The following MAP6 variants were observed in gnomAD, a reference collection of about 807,000 sequenced individuals.
The protein encoded by MAP6 is microtubule-associated protein 6.
Under a neutral mutation model 42.4 loss-of-function variants are expected in MAP6, and 26 were observed. The ratio of observed to expected loss-of-function variants is 0.61; its 90% CI spans 0.45 to 0.85. The LOEUF is 0.85. Among genes scored for constraint, MAP6 ranks in the 40% least tolerant of loss-of-function variants. The pLI is 0.00. For missense variants in MAP6, 966 were observed against 1,099.0 expected, an observed-to-expected ratio of 0.88 and a Z score of 1.71; for synonymous variants, 418 against 443.8, an observed-to-expected ratio of 0.94 and a Z score of 0.73.
rs1942756228 is a variant in MAP6 at position 75,605,834 on chromosome 11, C to T, written c.1290G>A (p.Met430Ile). Residue 430 changes from methionine (M) to isoleucine (I), a missense_variant, in exon 3 of 4, where the codon ATG becomes ATA. By Grantham distance (10) the Met-to-Ile change is conservative. This residue lies in a region of MAP6 where 943 missense variants were observed against 1,049.9 expected (regional missense o/e 0.90). Coordinates refer to ENST00000304771, the MANE Select transcript of MAP6 (RefSeq NM_033063.2). Reference protein sequence around the residue: ...KPDDKEQSKEMNNKLAEAKES... With the variant: ...KPDDKEQSKEINNKLAEAKES... ...CTTTCGCCTCAGCCAGTTTATTGTT[C>T]ATCTCTTTGCTTTGCTCCTTGTCGT... 1.2e-6 allele frequency: 2 copies of T among 1,613,956 alleles called. No homozygotes were observed. The highest frequency in any genetic ancestry group is 1.7e-6 in the Non-Finnish European group (2 of 1,180,006).
At chr11:75,645,233 A>G (rs1237973810) in intron 1 of MAP6, among the ~76,000 whole-genome samples, 1 of 150,580 alleles carries the variant, frequency 6.6e-6, no homozygotes, top group African/African-American at 2.4e-5. Context: ...TAGAATGGGG[A>G]GTGGGAACTG....
chr11:75,604,700 C>T (rs529815805), intron 3 of MAP6: 6 of 985,312 alleles, frequency 6.1e-6, no homozygotes, highest in South Asian at 4.7e-5. Flanking sequence ...CACACACACA[C>T]GACACGGAAT....
intron 2 of MAP6, chr11:75,607,234 C>T (rs1942796787): frequency 1.0e-6 from 1 of 985,254 alleles, no homozygotes; most frequent in Non-Finnish European, 1.2e-6. Flanking sequence ...GGTCCTGGGC[C>T]AAATAGGAAA....
At chr11:75,624,982 G>T (rs779728868) in intron 1 of MAP6, among the ~76,000 whole-genome samples, 1 of 152,200 alleles carries the variant, frequency 6.6e-6, no homozygotes, top group Non-Finnish European at 1.5e-5. Flanking sequence ...ATGTTCAGCT[G>T]AGTGGGGCAG....
Position 75,667,409 on chromosome 11 carries a change from C to T in MAP6, c.905+56G>A, listed in dbSNP as rs1382059699. On this transcript the variant is annotated intron_variant, in intron 1 of 3. Transcript: ENST00000304771. The surrounding 1 kb of genome is among the most constrained non-coding windows in gnomAD (Gnocchi z 5.6). ...GCTGGGGATCCTGGGCCCCGGGCAG[C>T]CCGCGGGGAGGGTCTGCGTGGTGAC... 5.1e-6 allele frequency: 7 copies of T among 1,371,012 alleles called. No homozygotes were observed. Among genetic ancestry groups the T allele is most frequent in the Non-Finnish European group, 5.7e-6 (6 of 1,059,490 alleles). The allele number at this position is 1,371,012 out of a possible 1,614,324, so 84.9% of individuals were successfully genotyped here.
chr11:75,668,045 C>T lies in MAP6; in HGVS notation c.325G>A (p.Gly109Ser), dbSNP rs905703316. 2 of 1,228,696 alleles carry T rather than the reference C, an allele frequency of 1.6e-6. No individual in the cohort carries two copies. The highest frequency in any genetic ancestry group is 1.0e-6 in the Non-Finnish European group (1 of 986,864). 76.1% of individuals were successfully genotyped at this position (1,228,696 alleles called of 1,614,324 possible). A position where few individuals can be genotyped will look rare whatever the true frequency, so the allele number is the denominator to read the frequency against. Residue 109 changes from glycine to serine, a missense_variant, in exon 1 of 4, where the codon GGC becomes AGC. By Grantham distance (56) the Gly-to-Ser change is moderately conservative. This residue lies in a region of MAP6 where 943 missense variants were observed against 1,049.9 expected (regional missense o/e 0.90). Coordinates refer to ENST00000304771, the MANE Select transcript of MAP6 (RefSeq NM_033063.2). ...GCGGGGCCGGAGGTGGAGCCGGAGCCCAGGCCCGGGCCCGGCCCGCTCCGG... is the reference window on the plus strand; with the variant it reads ...GCGGGGCCGGAGGTGGAGCCGGAGCTCAGGCCCGGGCCCGGCCCGCTCCGG... The part of the protein sequence containing the change: ...PGRSGPGPGL[G>S]SGSTSGPADS...
intron 1 of MAP6, among the ~76,000 whole-genome samples, chr11:75,656,597 C>T (rs182344330): frequency 2.0e-5 from 3 of 152,278 alleles, no homozygotes; most frequent in Admixed American, 2.0e-4. Context: ...TCCTCCCTCA[C>T]ATACCAGAGA....
intron 1 of MAP6, among the ~76,000 whole-genome samples, chr11:75,616,844 C>T (rs934916224): frequency 2.6e-5 from 4 of 152,020 alleles, no homozygotes; most frequent in South Asian, 2.1e-4. Flanking sequence ...TTTTCTCCTC[C>T]GTTAATATCC....
chr11:75,614,046 G>A (rs989964495), intron 1 of MAP6, among the ~76,000 whole-genome samples: 1 of 152,166 alleles, frequency 6.6e-6, no homozygotes, highest in Non-Finnish European at 1.5e-5. Context: ...CTCCTTTCTG[G>A]TCTCTCTGTT....
chr11:75,589,378 G>T (rs1488227046), intron 3 of MAP6, among the ~76,000 whole-genome samples: 1 of 152,208 alleles, frequency 6.6e-6, no homozygotes, highest in Non-Finnish European at 1.5e-5. Context: ...CTCCTTCCTT[G>T]CAGGCCATGT....
At chr11:75,625,479 G>A (rs1042076583) in intron 1 of MAP6, among the ~76,000 whole-genome samples, 1 of 152,142 alleles carries the variant, frequency 6.6e-6, no homozygotes, top group African/African-American at 2.4e-5. Flanking sequence ...ACCAGATGCT[G>A]CACAAACATG....
At chr11:75,612,330 C>A (rs1942912205) in intron 1 of MAP6, among the ~76,000 whole-genome samples, 1 of 152,196 alleles carries the variant, frequency 6.6e-6, no homozygotes, top group Non-Finnish European at 1.5e-5. Context: ...GATGTGTAAG[C>A]CATGGATGAG....
At chr11:75,656,865 C>T (rs1028874213) in intron 1 of MAP6, among the ~76,000 whole-genome samples, 2 of 152,106 alleles carry the variant, frequency 1.3e-5, no homozygotes, top group Non-Finnish European at 2.9e-5. Context: ...GTGTATAAAC[C>T]CATGTCACCA....
chr11:75,590,038 T>A (rs1942448638), intron 3 of MAP6, among the ~76,000 whole-genome samples: 1 of 152,114 alleles, frequency 6.6e-6, no homozygotes. Flanking sequence ...CAGCATGATA[T>A]GGAACACAGC....
chr11:75,620,385 G>A (rs1024782988), intron 1 of MAP6, among the ~76,000 whole-genome samples: 1 of 151,660 alleles, frequency 6.6e-6, no homozygotes, highest in East Asian at 1.9e-4. Context: ...GTGGGAGGAT[G>A]GCTTAAGCCC....
rs1245887095 is a variant in MAP6 at position 75,667,970 on chromosome 11, C to T, written c.400G>A (p.Glu134Lys). 5 of 1,322,560 alleles carry T rather than the reference C, an allele frequency of 3.8e-6. No homozygotes were observed. In the East Asian group the frequency reaches 1.2e-4, roughly 33 times the overall value. The allele number at this position is 1,322,560 out of a possible 1,614,324, so 81.9% of individuals were successfully genotyped here. The change falls in exon 1 of 4, where the codon GAG becomes AAG. Residue 134 changes from glutamate to lysine, a missense_variant. Physicochemically the swap from Glu to Lys is moderately conservative, Grantham distance 56. This residue lies in a region of MAP6 where 943 missense variants were observed against 1,049.9 expected (regional missense o/e 0.90). Transcript: ENST00000304771. This position sits in a 1 kb window ranked among gnomAD's most constrained non-coding sequence, Gnocchi z 5.6. The stretch of plus-strand genomic sequence containing the variant: ...TCGCTGCGCGGCCGGCAGCTGGGCT[C>T]GGGCCGCTGCACCTTCCAGGCTCGG... ...DYRAWKVQRP[E>K]PSCRPRSEYQ...
Position 75,603,924 on chromosome 11 carries a change from C to T in MAP6, c.1316+1884G>A, listed in dbSNP as rs73505063. 3.0e-3 allele frequency: 2,964 copies of T among 985,548 alleles called. 85 individuals carry two copies. The African/African-American group carries it at 0.048, about 16-fold the overall frequency. 61.1% of individuals were successfully genotyped at this position (985,548 alleles called of 1,614,324 possible). A position where few individuals can be genotyped will look rare whatever the true frequency, so the allele number is the denominator to read the frequency against. On this transcript the variant is annotated intron_variant, in intron 3 of 3. Transcript: ENST00000304771. ...GCCAAATCTTGAGAGACTGAACATA[C>T]ATTGGCAAATCCTCTGGATACAATT...
At position 75,655,415 on chromosome 11, in the gene MAP6, T is replaced by A. The variant is rs142628722; in HGVS notation, c.905+12050A>T. On this transcript the variant is annotated intron_variant, in intron 1 of 3. Transcript: ENST00000304771. Reference sequence around the variant, plus strand: ...AGACCCAGTTTAGGCTGTGATTCGGTCAGAGCACCTGCTGAGGTCCATATG... The same window carrying A: ...AGACCCAGTTTAGGCTGTGATTCGGACAGAGCACCTGCTGAGGTCCATATG... Among the ~76,000 whole-genome samples the A allele has an allele frequency of 3.4e-3, 518 of 152,250 alleles. 2 individuals carry two copies. The highest frequency in any genetic ancestry group is 0.012 in the African/African-American group (497 of 41,542).
In MAP6 at chr11:75,608,181, T is replaced by C. The variant is rs1156778569; in HGVS notation, c.1047A>G (p.Thr349=). ...TGCGATCAATGACCTTATTGTCAGC[T>C]GTTGTTGGCTTGCTGGCCTCTCCTT... ...QFKGEASKPT[T]ADNKVIDRRR... The change falls in exon 2 of 4, where the codon ACA becomes ACG. Residue 349 remains threonine, a synonymous_variant. Coordinates refer to ENST00000304771, the MANE Select transcript of MAP6 (RefSeq NM_033063.2). 2 of 1,614,238 alleles carry C rather than the reference T, an allele frequency of 1.2e-6. No individual in the cohort carries two copies. The highest frequency in any genetic ancestry group is 2.2e-5 in the South Asian group (2 of 91,084).
Sources: gnomAD v4.1 joint callset for allele counts (sites outside exome capture counted in the v4.1 genomes callset) on GRCh38, gnomAD v4.1.1 for gene constraint, gnomAD v4.1.1 regional missense constraint, Gnocchi (gnomAD v3.1) non-coding constraint, MANE v1.5 for transcripts, NCBI Gene and HGNC (gene_info 2026-07-23, HGNC 2026-07-21) for gene names.